The following WDR64 variants were observed in gnomAD, a reference collection of about 807,000 sequenced individuals.
WDR64 encodes the protein WD repeat-containing protein 64.
In WDR64, 112 loss-of-function variants were observed where a neutral mutation model predicts 139.3. The observed-to-expected ratio is 0.80, with a 90% CI of 0.69 to 0.94. WDR64 has a LOEUF of 0.94. Ranked by LOEUF, WDR64 falls within the 40% of genes least tolerant of loss-of-function variation. The pLI is 0.00. For missense variants in WDR64, 1,206 were observed against 1,293.1 expected, an observed-to-expected ratio of 0.93 and a Z score of 1.03; for synonymous variants, 444 against 437.7, an observed-to-expected ratio of 1.01 and a Z score of -0.18.
chr1:241,718,300 A>T (rs1051662228), intron 9 of WDR64, among the ~76,000 whole-genome samples: 1 of 152,166 alleles, frequency 6.6e-6, no homozygotes, highest in Non-Finnish European at 1.5e-5. Context: ...AAAACACAGA[A>T]GAAGGAGTCT....
rs116344563 is a variant in WDR64 at position 241,678,278 on chromosome 1, A to G, written c.513+62A>G. ...TTAGGGCTATGATGATGTTTCCTTC[A>G]CAATTAATTAAAATCTCAATGAAGT... is the stretch of plus-strand genomic sequence containing the variant. On this transcript the variant is annotated intron_variant, in intron 5 of 27. Transcript: ENST00000437684. 1,690 of 398,600 alleles carry G rather than the reference A, an allele frequency of 4.2e-3. 21 individuals carry two copies. The highest frequency in any genetic ancestry group is 0.031 in the African/African-American group (1,523 of 48,740). 24.7% of individuals were successfully genotyped at this position (398,600 alleles called of 1,614,324 possible). A position where few individuals can be genotyped will look rare whatever the true frequency, so the allele number is the denominator to read the frequency against.
chr1:241,692,028 TAA>T (rs77284427), intron 8 of WDR64, among the ~76,000 whole-genome samples: 1 of 113,720 alleles, frequency 8.8e-6, no homozygotes. Context: ...AATAAAAAAA[TAA>T]AAAAAAAAAA....
chr1:241,778,472 G>T (rs1574090940), intron 21 of WDR64, among the ~76,000 whole-genome samples: 1 of 152,072 alleles, frequency 6.6e-6, no homozygotes, highest in South Asian at 2.1e-4. Flanking sequence ...GTTTTAACTG[G>T]TGTATTTAGA....
intron 9 of WDR64, among the ~76,000 whole-genome samples, chr1:241,713,321 G>GATGAAGGA (rs538980494): frequency 3.7e-5 from 4 of 107,030 alleles, no homozygotes; most frequent in South Asian, 6.9e-4. Flanking sequence ...AAAAAGAAAG[G>GATGAAGGA]ACGAAGGAAG....
chr1:241,656,853 CAA>C lies in WDR64; in HGVS notation c.146-3676_146-3675del, dbSNP rs1665614513. Among the ~76,000 whole-genome samples the C allele has an allele frequency of 6.7e-6, 1 of 148,442 alleles. No homozygotes were observed. Among genetic ancestry groups the C allele is most frequent in the Non-Finnish European group, 1.5e-5 (1 of 67,588 alleles). On this transcript the variant is annotated intron_variant, in intron 1 of 27. Coordinates refer to ENST00000437684, the MANE Select transcript of WDR64 (RefSeq NM_001367482.1). This position sits in a 1 kb window ranked among gnomAD's most constrained non-coding sequence, Gnocchi z 4.3. ...CTAGTTGTGACAGTCAAAAATGTCT[CAA>C]GTCTTTGCCAAATGTTGTGTGTGTG... is the stretch of plus-strand genomic sequence containing the variant.
At chr1:241,772,970 G>A in intron 20 of WDR64, 39 bp downstream of exon 20, 1 of 1,522,660 alleles carries the variant, frequency 6.6e-7, no homozygotes, top group South Asian at 1.2e-5. Flanking sequence ...GGAAAGAATG[G>A]GAAAGATAAA....
rs532400619 is a variant in WDR64 at position 241,707,734 on chromosome 1, C to T, written c.975-4068C>T. Among the ~76,000 whole-genome samples, 19 of 152,312 alleles carry T rather than the reference C, an allele frequency of 1.2e-4. No homozygotes were observed. In the East Asian group the frequency reaches 3.1e-3, roughly 25 times the overall value. On this transcript the variant is annotated intron_variant, in intron 8 of 27. Coordinates refer to ENST00000437684, the MANE Select transcript of WDR64 (RefSeq NM_001367482.1). ...GCCATCCACAAAGGCTGCACAGTTG[C>T]CCTGCATGACCCCTGCCCCAGCTGC...
chr1:241,687,258 C>T (rs139537956), intron 7 of WDR64, among the ~76,000 whole-genome samples: 3 of 149,352 alleles, frequency 2.0e-5, no homozygotes, highest in Admixed American at 6.7e-5. Context: ...GAGCCGAGAT[C>T]GCACCACTGC....
In WDR64 at chr1:241,769,471, ATACTGTTCCTCTTTCG is replaced by A. The variant is rs1471977017; in HGVS notation, c.2153_2168del (p.Leu718ProfsTer47). On this transcript the variant is annotated frameshift_variant, in exon 17 of 28. Coordinates refer to ENST00000437684, the MANE Select transcript of WDR64 (RefSeq NM_001367482.1). LOFTEE classifies it high-confidence loss of function. The stretch of plus-strand genomic sequence containing the variant: ...TCCCAAGCACTTTAAAATTAATGAC[ATACTGTTCCTCTTTCG>A]TACCCCTGAATGTGCAAGGTAACTC... The A allele has an allele frequency of 1.3e-6, 2 of 1,551,412 alleles. No individual in the cohort carries two copies. Among genetic ancestry groups the A allele is most frequent in the Non-Finnish European group, 1.7e-6 (2 of 1,146,980 alleles).
Position 241,652,599 on chromosome 1 carries a change from G to A in WDR64, c.115G>A (p.Glu39Lys). The A allele has an allele frequency of 1.3e-6, 2 of 1,551,788 alleles. No homozygotes were observed. The highest frequency in any genetic ancestry group is 1.7e-6 in the Non-Finnish European group (2 of 1,147,020). ...ACAAACAGCAGCCCAGAAAAGAGAT[G>A]AAAGAGCAGGCTTATTTATCCATAA... The part of the protein sequence containing the change: ...VEQTAAQKRD[E>K]RAGLFIHKED... Residue 39 changes from glutamate (E) to lysine (K), a missense_variant, in exon 1 of 28, where the codon GAA becomes AAA. Transcript: ENST00000437684.
intron 9 of WDR64, among the ~76,000 whole-genome samples, chr1:241,721,863 G>A (rs1402093413): frequency 6.6e-6 from 1 of 152,258 alleles, no homozygotes; most frequent in African/African-American, 2.4e-5. Context: ...AAATGTGAAT[G>A]GGTCAGACAC....
intron 8 of WDR64, among the ~76,000 whole-genome samples, chr1:241,705,344 A>G (rs1204344731): frequency 3.3e-5 from 5 of 151,954 alleles, no homozygotes; most frequent in South Asian, 2.1e-4. Context: ...GATCGAGACC[A>G]TCCCGGCTAA....
intron 26 of WDR64, 103 bp downstream of exon 26, chr1:241,795,390 A>T: frequency 9.7e-7 from 1 of 1,034,422 alleles, no homozygotes; most frequent in Non-Finnish European, 1.4e-6. Flanking sequence ...AAAATCATAC[A>T]GTCAGTTGGA....
intron 1 of WDR64, among the ~76,000 whole-genome samples, chr1:241,655,771 T>C (rs1039342612): frequency 6.6e-6 from 1 of 151,690 alleles, no homozygotes; most frequent in Non-Finnish European, 1.5e-5. Context: ...ATGTCACCTC[T>C]TTGTAAAAAC....
chr1:241,795,363 ACCAAGCAAGGTTGGAGAAAAT>A, intron 26 of WDR64, 76 bp downstream of exon 26: 2 of 1,350,870 alleles, frequency 1.5e-6, no homozygotes, highest in South Asian at 1.3e-5. Context: ...ACCCTGGGCT[ACCAAGCAAGGTTGGAGAAAAT>A]CATACAGTCA....
At chr1:241,682,995 T>C (rs185388321) in intron 6 of WDR64, among the ~76,000 whole-genome samples, 22 of 152,270 alleles carry the variant, frequency 1.4e-4, no homozygotes, top group Admixed American at 1.0e-3. Context: ...CTGTATAGCT[T>C]AGTGGCCCCA....
chr1:241,713,509 G>GAAA (rs1217816260), intron 9 of WDR64, among the ~76,000 whole-genome samples: 1 of 85,600 alleles, frequency 1.2e-5, no homozygotes, highest in Non-Finnish European at 2.1e-5. Flanking sequence ...AAAGAAAAAA[G>GAAA]AAAGAAAGAA....
At chr1:241,701,392 A>T (rs558550876) in intron 8 of WDR64, among the ~76,000 whole-genome samples, 1 of 152,310 alleles carries the variant, frequency 6.6e-6, no homozygotes, top group East Asian at 1.9e-4. Flanking sequence ...TAAGTTACGT[A>T]ATGGTATTGT....
chr1:241,691,287 A>G (rs535097140), intron 8 of WDR64, among the ~76,000 whole-genome samples: 54 of 152,346 alleles, frequency 3.5e-4, no homozygotes, highest in African/African-American at 1.3e-3. Context: ...GAAAACAATA[A>G]CAAATATAGT....
Sources: gnomAD v4.1 joint callset for allele counts (sites outside exome capture counted in the v4.1 genomes callset) on GRCh38, gnomAD v4.1.1 for gene constraint, Gnocchi (gnomAD v3.1) non-coding constraint, MANE v1.5 for transcripts, NCBI Gene and HGNC (gene_info 2026-07-23, HGNC 2026-07-21) for gene names.